ZNF880: variants seen among roughly 807,000 people sequenced by gnomAD.
ZNF880 encodes zinc finger protein 880, also known as zinc finger protein LOC400713.
A neutral mutation model predicts 11.8 loss-of-function variants in ZNF880; 12 were observed. The ratio of observed to expected loss-of-function variants is 1.02; its 90% CI spans 0.65 to 1.65. The LOEUF (loss-of-function observed/expected upper bound fraction) is 1.65. Ranked by LOEUF, ZNF880 falls within the 40% of genes most tolerant of loss-of-function variation. ZNF880 has a pLI of 0.00. For synonymous variants in ZNF880, 210 were observed against 232.4 expected (o/e 0.90, Z 0.88); for missense variants, 601 against 673.9 (o/e 0.89, Z 1.20).
In ZNF880 at chr19:52,384,057, TA is replaced by T; in HGVS notation, c.480del (p.Lys160AsnfsTer20). 6.4e-7 allele frequency: 1 copy of T among 1,565,510 alleles called. No individual in the cohort carries two copies. Among genetic ancestry groups the T allele is most frequent in the Non-Finnish European group, 8.7e-7 (1 of 1,154,770 alleles). On this transcript the variant is annotated frameshift_variant, in exon 4 of 4. Transcript: ENST00000422689. LOFTEE classifies it low-confidence loss of function (END_TRUNC). ...YSSVKSHILN[K>X]YRNDFDDSPF... ...CTAGTGTCAAATCCCACATTTTAAA[TA>T]AATACAGAAATGATTTTGATGATTC...
the ZNF880 span, among the ~76,000 whole-genome samples, chr19:52,393,324 C>T: frequency 6.6e-6 from 1 of 152,142 alleles, no homozygotes; most frequent in East Asian, 1.9e-4. Flanking sequence ...CTGCCCGCCT[C>T]AGCCTCCCAA....
rs1424966650 is a variant in ZNF880 at position 52,370,161 on chromosome 19, T to G, written c.12+184T>G. ...CTGAGTGTTAAAATCGCTCGGAGGC[T>G]GGTCCTGTCCCCGGTCTTTCACCAC... On this transcript the variant is annotated intron_variant, in intron 1 of 3. Transcript: ENST00000422689. 4.1e-6 allele frequency: 3 copies of G among 738,694 alleles called. No homozygotes were observed. In the African/African-American group the frequency reaches 5.3e-5, roughly 13 times the overall value. 45.8% of individuals were successfully genotyped at this position (738,694 alleles called of 1,614,324 possible).
rs113770280 is a variant in ZNF880 at position 52,371,651 on chromosome 19, C to T, written c.13-1460C>T. Among the ~76,000 whole-genome samples the T allele has an allele frequency of 1.2e-3, 188 of 152,120 alleles. 1 individual carries two copies. Among genetic ancestry groups the T allele is most frequent in the African/African-American group, 4.1e-3 (172 of 41,528 alleles). ...TTGGCCTCCCAAAGTGCTGGGATTGCAGGCATGAGCCACCACGCCTGGCCT... is the reference window on the plus strand; with the variant it reads ...TTGGCCTCCCAAAGTGCTGGGATTGTAGGCATGAGCCACCACGCCTGGCCT... On this transcript the variant is annotated intron_variant, in intron 1 of 3. Transcript: ENST00000422689.
At chr19:52,377,258 T>C (rs1198628921) in intron 3 of ZNF880, among the ~76,000 whole-genome samples, 1 of 151,824 alleles carries the variant, frequency 6.6e-6, no homozygotes, top group Non-Finnish European at 1.5e-5. Context: ...TTTTTTTGCA[T>C]GTGGGGCTCA....
rs1600244973 is a variant in ZNF880, at chr19:52,370,309, C to T, written c.12+332C>T. ...AGATGGATCCACGTCTTTCCGGTCC[C>T]CCAAGCCTCGCCCTCTTTTCACAGG... is the stretch of plus-strand genomic sequence containing the variant. On this transcript the variant is annotated intron_variant, in intron 1 of 3. Coordinates refer to ENST00000422689, the MANE Select transcript of ZNF880 (RefSeq NM_001145434.2). 11 of 352,904 alleles carry T rather than the reference C, an allele frequency of 3.1e-5. 1 individual carries two copies. The East Asian group carries it at 5.2e-4, about 17-fold the overall frequency. 21.9% of individuals were successfully genotyped at this position (352,904 alleles called of 1,614,324 possible). A position where few individuals can be genotyped will look rare whatever the true frequency, so the allele number is the denominator to read the frequency against.
upstream of ZNF880, chr19:52,367,184 C>CG (rs1986149413): frequency 1.9e-5 from 3 of 157,872 alleles, no homozygotes; most frequent in Admixed American, 1.9e-4. Context: ...AGTGCAGTGG[C>CG]ATGATCTTGG....
In ZNF880 at chr19:52,384,684, C is replaced by T. The variant is rs756942220; in HGVS notation, c.1104C>T (p.Thr368=). ...GKVFNRNAHL[T]RHQRIHTGEK... ...TCTTCAATCGAAATGCACACCTTACCAGACATCAAAGAATCCATACTGGAG... is the reference window on the plus strand; with the variant it reads ...TCTTCAATCGAAATGCACACCTTACTAGACATCAAAGAATCCATACTGGAG... Residue 368 remains threonine, a synonymous_variant, in exon 4 of 4, where the codon ACC becomes ACT. Transcript: ENST00000422689. 6.2e-7 allele frequency: 1 copy of T among 1,609,216 alleles called. No individual in the cohort carries two copies.
intron 3 of ZNF880, among the ~76,000 whole-genome samples, chr19:52,378,818 T>A (rs1180495707): frequency 1.3e-5 from 2 of 151,596 alleles, no homozygotes; most frequent in African/African-American, 4.8e-5. Flanking sequence ...TGGCTCACAC[T>A]TGTAATCCTA....
At chr19:52,387,759 T>C (rs949552901), downstream of ZNF880, among the ~76,000 whole-genome samples, 1 of 142,170 alleles carries the variant, frequency 7.0e-6, no homozygotes, top group African/African-American at 2.7e-5. Flanking sequence ...ACAAATACTA[T>C]TAAATGAAAG....
chr19:52,372,026 T>C (rs909228653), intron 1 of ZNF880, among the ~76,000 whole-genome samples: 7 of 151,492 alleles, frequency 4.6e-5, no homozygotes, highest in Admixed American at 3.3e-4. Context: ...CTGTCTCTAC[T>C]AAAAATAGAA....
At chr19:52,380,468 T>G (rs1461883241) in intron 3 of ZNF880, among the ~76,000 whole-genome samples, 1 of 152,132 alleles carries the variant, frequency 6.6e-6, no homozygotes, top group Non-Finnish European at 1.5e-5. Context: ...TTTTCCTTAT[T>G]TCTTAATTTT....
At position 52,384,104 on chromosome 19, in the gene ZNF880, A is replaced by C. The variant is rs1442659477; in HGVS notation, c.524A>C (p.Gln175Pro). The C allele has an allele frequency of 2.5e-6, 4 of 1,596,140 alleles. No individual in the cohort carries two copies. The highest frequency in any genetic ancestry group is 3.4e-6 in the Non-Finnish European group (4 of 1,170,596). The change falls in exon 4 of 4, where the codon CAA becomes CCA. Residue 175 changes from glutamine (Q) to proline (P), a missense_variant. By Grantham distance (76) the Gln-to-Pro change is moderately conservative. Around this residue, in one of 3 missense-constraint regions of ZNF880, gnomAD observed 420 missense variants for 442.6 expected, o/e 0.95. Coordinates refer to ENST00000422689, the MANE Select transcript of ZNF880 (RefSeq NM_001145434.2). ...FDDSPFLPQE[Q>P]KAQIREKPCE... ...GATTCTCCATTTCTCCCACAAGAAC[A>C]AAAAGCACAAATAAGGGAAAAACCG...
chr19:52,394,288 G>A, the ZNF880 span, among the ~76,000 whole-genome samples: 21 of 152,270 alleles, frequency 1.4e-4, no homozygotes, highest in African/African-American at 3.6e-4. Flanking sequence ...CCTGGCTGGA[G>A]TGCAGTGGAG....
At chr19:52,396,121 A>ATTTTTTT in the ZNF880 span, among the ~76,000 whole-genome samples, 7 of 120,646 alleles carry the variant, frequency 5.8e-5, no homozygotes, top group Non-Finnish European at 9.9e-5. Context: ...TGCCTGGCTA[A>ATTTTTTT]TTTTTTTTTT....
At chr19:52,369,586 G>GC (rs1986288517), upstream of ZNF880, among the ~76,000 whole-genome samples, 1 of 151,866 alleles carries the variant, frequency 6.6e-6, no homozygotes, top group South Asian at 2.1e-4. Flanking sequence ...TCATGCCCAG[G>GC]CGGGAGTGCA....
intron 3 of ZNF880, among the ~76,000 whole-genome samples, chr19:52,381,345 T>A (rs567016926): frequency 6.6e-6 from 1 of 152,344 alleles, no homozygotes; most frequent in South Asian, 2.1e-4. Context: ...TTTATAATAA[T>A]CTTTGTCTCT....
At chr19:52,369,545 TTATG>T (rs1986286468), upstream of ZNF880, among the ~76,000 whole-genome samples, 1 of 151,974 alleles carries the variant, frequency 6.6e-6, no homozygotes, top group Non-Finnish European at 1.5e-5. Flanking sequence ...TTATTTATGA[TTATG>T]TATTTATTAG....
At chr19:52,369,802 C>A, upstream of ZNF880, 1 of 751,750 alleles carries the variant, frequency 1.3e-6, no homozygotes, top group Non-Finnish European at 2.3e-6. Context: ...TGAGTTCTTC[C>A]AGTCTCCACG....
intron 3 of ZNF880, among the ~76,000 whole-genome samples, chr19:52,380,646 C>G (rs1385657029): frequency 1.3e-5 from 2 of 152,030 alleles, no homozygotes; most frequent in Non-Finnish European, 1.5e-5. Flanking sequence ...CAATCATTGT[C>G]TTGTAGTGCG....
Sources: allele counts gnomAD v4.1 joint callset (sites outside exome capture counted in the v4.1 genomes callset), GRCh38; gene constraint gnomAD v4.1.1; regional missense constraint gnomAD v4.1.1; transcripts MANE v1.5; gene names NCBI Gene and HGNC (gene_info 2026-07-23, HGNC 2026-07-21).